CEP112: variants seen among roughly 807,000 people sequenced by gnomAD.
CEP112 encodes the protein centrosomal protein 112.
Under a neutral mutation model 153.0 loss-of-function variants are expected in CEP112, and 127 were observed. The ratio of observed to expected loss-of-function variants is 0.83; its 90% confidence interval spans 0.72 to 0.96. The LOEUF (loss-of-function observed/expected upper bound fraction) is 0.96, where lower values mean the gene tolerates loss of function less well. Among genes scored for constraint, CEP112 ranks in the 40% least tolerant of loss-of-function variants. The pLI is 0.00. For missense variants in CEP112, 1,089 were observed against 1,101.2 expected, an observed-to-expected ratio of 0.99 and a Z score of 0.16; for synonymous variants, 358 against 374.4, an observed-to-expected ratio of 0.96 and a Z score of 0.51.
At position 65,658,222 on chromosome 17, in the gene CEP112, C is replaced by A. The variant is rs555383286; in HGVS notation, c.2698-17157G>T. ...CTGACATCTAAGCCTGTACTGTGCC[C>A]ATTTATTACTGGGAGGTGGAGAAGG... On this transcript the variant is annotated intron_variant, in intron 24 of 26. Transcript: ENST00000535342. Among the ~76,000 whole-genome samples the A allele has an allele frequency of 2.0e-5, 3 of 152,258 alleles. No individual in the cohort carries two copies. The South Asian group carries it at 6.2e-4, about 32-fold the overall frequency.
chr17:65,651,469 T>C (rs767358977), intron 24 of CEP112, among the ~76,000 whole-genome samples: 3 of 152,220 alleles, frequency 2.0e-5, no homozygotes, highest in African/African-American at 4.8e-5. Context: ...GTGGGATTGC[T>C]GGATCAAGTG....
rs2064855646 is a variant in CEP112 at position 66,018,275 on chromosome 17, TA to T, written c.1656+9225del. 2.0e-5 allele frequency among the ~76,000 whole-genome samples: 3 copies of T among 152,352 alleles called. No homozygotes were observed. In the South Asian group the frequency reaches 6.2e-4, roughly 32 times the overall value. On this transcript the variant is annotated intron_variant, in intron 16 of 26. Transcript: ENST00000535342. ...TATAAATAATTGATTTAAGTAGCCA[TA>T]AGCACATTTATTGAATATTCACTGA...
chr17:65,774,749 G>A (rs776822787), intron 21 of CEP112, among the ~76,000 whole-genome samples: 1 of 152,170 alleles, frequency 6.6e-6, no homozygotes, highest in South Asian at 2.1e-4. Flanking sequence ...TGAGGCCTGA[G>A]GTGATGAAAG....
intron 4 of CEP112, among the ~76,000 whole-genome samples, chr17:66,154,879 T>C (rs910688576): frequency 6.6e-6 from 1 of 152,268 alleles, no homozygotes; most frequent in South Asian, 2.1e-4. Flanking sequence ...TATTAAGAGG[T>C]GTGACCTTTA....
chr17:65,692,749 T>C (rs1211092352), intron 23 of CEP112, among the ~76,000 whole-genome samples: 1 of 152,168 alleles, frequency 6.6e-6, no homozygotes, highest in African/African-American at 2.4e-5. Flanking sequence ...TTAATTTACA[T>C]GTCTGGGTGG....
At chr17:65,673,827 T>A (rs1272343911) in intron 24 of CEP112, among the ~76,000 whole-genome samples, 1 of 152,214 alleles carries the variant, frequency 6.6e-6, no homozygotes, top group Admixed American at 6.5e-5. Context: ...GAGAAAGTAT[T>A]TGCAACTTAT....
At chr17:65,920,362 A>AATATATATATACAT (rs2060660924) in intron 19 of CEP112, among the ~76,000 whole-genome samples, 1 of 42,778 alleles carries the variant, frequency 2.3e-5, no homozygotes, top group Non-Finnish European at 4.5e-5. Context: ...AAACAAACAA[A>AATATATATATACAT]ATATATATAT....
At chr17:65,901,529 T>G (rs2143533433) in intron 20 of CEP112, among the ~76,000 whole-genome samples, 2 of 152,154 alleles carry the variant, frequency 1.3e-5, no homozygotes, top group Admixed American at 1.3e-4. Flanking sequence ...GTTTGAGGAG[T>G]CAAATGCTAC....
At chr17:65,939,539 G>A (rs2061447025) in intron 18 of CEP112, among the ~76,000 whole-genome samples, 1 of 152,098 alleles carries the variant, frequency 6.6e-6, no homozygotes, top group Non-Finnish European at 1.5e-5. Flanking sequence ...AGGCACAAGA[G>A]CTGATACATT....
At chr17:65,893,808 G>T (rs963796740) in intron 20 of CEP112, among the ~76,000 whole-genome samples, 1 of 152,046 alleles carries the variant, frequency 6.6e-6, no homozygotes, top group African/African-American at 2.4e-5. Flanking sequence ...AAAAAGCTCA[G>T]GTGTTAAATA....
At chr17:66,069,368 C>T (rs891471264) in intron 9 of CEP112, among the ~76,000 whole-genome samples, 1 of 150,658 alleles carries the variant, frequency 6.6e-6, no homozygotes, top group Admixed American at 6.6e-5. Flanking sequence ...TTTGCTGTGC[C>T]AGCTAAGAAA....
At chr17:66,165,762 C>T (rs2071928264) in intron 4 of CEP112, among the ~76,000 whole-genome samples, 1 of 152,140 alleles carries the variant, frequency 6.6e-6, no homozygotes, top group Non-Finnish European at 1.5e-5. Flanking sequence ...AAACTGCACA[C>T]ACAAATGAAA....
At chr17:65,967,247 G>A (rs1025040079) in intron 17 of CEP112, among the ~76,000 whole-genome samples, 1 of 152,154 alleles carries the variant, frequency 6.6e-6, no homozygotes, top group Non-Finnish European at 1.5e-5. Flanking sequence ...AAATAGGAAT[G>A]AAGAATCTTC....
chr17:65,758,487 C>A (rs1343716565), intron 21 of CEP112, among the ~76,000 whole-genome samples: 1 of 152,112 alleles, frequency 6.6e-6, no homozygotes, highest in Non-Finnish European at 1.5e-5. Context: ...TTGCATTATG[C>A]CTCAATTTTT....
intron 17 of CEP112, among the ~76,000 whole-genome samples, chr17:65,976,549 G>T (rs1402391526): frequency 6.6e-6 from 1 of 151,872 alleles, no homozygotes; most frequent in Non-Finnish European, 1.5e-5. Context: ...GGACCCTATA[G>T]AAGTATGCCA....
chr17:65,999,220 G>A lies in CEP112; in HGVS notation c.1736+6470C>T, dbSNP rs111724460. 2.6e-3 allele frequency among the ~76,000 whole-genome samples: 378 copies of A among 142,652 alleles called. 1 individual carries two copies. The highest frequency in any genetic ancestry group is 0.012 in the Middle Eastern group (3 of 246). The allele number at this position is 142,652 out of a possible 152,430, so 93.6% of individuals were successfully genotyped here. ...TTCTTTTTTTTTTTTTTTTTGAGAC[G>A]GAGTCTCGCTCTTTCACTCCAGCCT... On this transcript the variant is annotated intron_variant, in intron 17 of 26. Transcript: ENST00000535342.
chr17:65,647,471 CCT>C (rs1056539292), intron 24 of CEP112, among the ~76,000 whole-genome samples: 1 of 118,718 alleles, frequency 8.4e-6, no homozygotes, highest in Non-Finnish European at 1.7e-5. Context: ...CTGTGCCCGG[CCT>C]TTTTTTTTTT....
At chr17:66,112,242 G>T (rs2069086935) in intron 6 of CEP112, among the ~76,000 whole-genome samples, 1 of 151,998 alleles carries the variant, frequency 6.6e-6, no homozygotes, top group Non-Finnish European at 1.5e-5. Context: ...AGTGAGCCAA[G>T]ATGGGGCCAT....
At chr17:65,701,595 G>A (rs1420311746) in intron 23 of CEP112, among the ~76,000 whole-genome samples, 1 of 152,110 alleles carries the variant, frequency 6.6e-6, no homozygotes, top group Non-Finnish European at 1.5e-5. Context: ...GCCTAGTGAC[G>A]ACTCCTATAC....
Sources: gnomAD v4.1 joint callset for allele counts (sites outside exome capture counted in the v4.1 genomes callset) on GRCh38, gnomAD v4.1.1 for gene constraint, MANE v1.5 for transcripts, NCBI Gene and HGNC (gene_info 2026-07-23, HGNC 2026-07-21) for gene names.